The following CGNL1 variants were observed in gnomAD, a reference collection of about 807,000 sequenced individuals.
CGNL1 encodes the protein cingulin-like protein 1.
Under a neutral mutation model 141.2 loss-of-function variants are expected in CGNL1, and 132 were observed. The ratio of observed to expected loss-of-function variants is 0.93; its 90% CI spans 0.81 to 1.08. CGNL1 has a LOEUF of 1.08. Ranked by LOEUF, CGNL1 falls within the 50% of genes least tolerant of loss-of-function variation. CGNL1 has a pLI of 0.00. For missense variants in CGNL1, 1,870 were observed against 1,588.6 expected, an observed-to-expected ratio of 1.18 and a Z score of -3.01; for synonymous variants, 690 against 622.1, an observed-to-expected ratio of 1.11 and a Z score of -1.63.
At chr15:57,503,498 G>A (rs1025322240) in intron 8 of CGNL1, among the ~76,000 whole-genome samples, 1 of 152,172 alleles carries the variant, frequency 6.6e-6, no homozygotes, top group Non-Finnish European at 1.5e-5. Flanking sequence ...ACCAGTTGAG[G>A]ACTGGGCCCC....
At chr15:57,413,221 T>TCCTCTCGTCCTC in intron 1 of CGNL1, among the ~76,000 whole-genome samples, 1 of 137,126 alleles carries the variant, frequency 7.3e-6, no homozygotes, top group South Asian at 2.6e-4. Context: ...CTTCCTCTCT[T>TCCTCTCGTCCTC]CCTCCCTCCC....
intron 13 of CGNL1, among the ~76,000 whole-genome samples, chr15:57,530,390 C>T (rs1048932486): frequency 6.6e-5 from 10 of 152,338 alleles, no homozygotes; most frequent in South Asian, 4.1e-4. Flanking sequence ...CCATGAGATG[C>T]GCTTGAGGGG....
chr15:57,423,691 A>G (rs1272168444), intron 1 of CGNL1, among the ~76,000 whole-genome samples: 1 of 152,052 alleles, frequency 6.6e-6, no homozygotes, highest in African/African-American at 2.4e-5. Context: ...GGCTTCTGGG[A>G]TGCCAGGCTC....
chr15:57,504,060 T>G (rs546172801), intron 8 of CGNL1, among the ~76,000 whole-genome samples: 1 of 152,170 alleles, frequency 6.6e-6, no homozygotes, highest in East Asian at 1.9e-4. Flanking sequence ...CTCTTCCAGT[T>G]TACAGAGCAG....
intron 2 of CGNL1, 27 bp downstream of exon 2, chr15:57,439,628 T>A: frequency 6.3e-7 from 1 of 1,595,380 alleles, no homozygotes; most frequent in Non-Finnish European, 8.6e-7. Context: ...TCCTGTTTGG[T>A]TTTTTTTCTC....
intron 8 of CGNL1, among the ~76,000 whole-genome samples, chr15:57,511,070 T>C (rs1367602407): frequency 2.0e-5 from 3 of 152,208 alleles, no homozygotes; most frequent in Non-Finnish European, 4.4e-5. Context: ...AAAATGTATA[T>C]TTATTTTTAA....
Position 57,442,377 on chromosome 15 carries a change from A to G in CGNL1, c.1702A>G (p.Thr568Ala), listed in dbSNP as rs145255148. The G allele has an allele frequency of 5.3e-4, 856 of 1,605,434 alleles. 2 individuals carry two copies. In the African/African-American group the frequency reaches 7.7e-3, roughly 14 times the overall value. The change falls in exon 4 of 19, where the codon ACT becomes GCT. Residue 568 changes from threonine to alanine, a missense_variant. Transcript: ENST00000281282. Reference protein sequence around the residue: ...ILYNYLKEGSTDNDDATKRKV... With the variant: ...ILYNYLKEGSADNDDATKRKV... ...TCTCTGCTGTCCCTTTTTCAGAAGC[A>G]CTGATAATGACGATGCTACTAAAAG...
chr15:57,525,646 A>G (rs893758487), intron 12 of CGNL1, among the ~76,000 whole-genome samples: 1 of 152,192 alleles, frequency 6.6e-6, no homozygotes. Context: ...GAGCACCAAG[A>G]TTCCACAGGA....
At chr15:57,495,963 G>A (rs2063932296) in intron 8 of CGNL1, among the ~76,000 whole-genome samples, 1 of 152,142 alleles carries the variant, frequency 6.6e-6, no homozygotes, top group African/African-American at 2.4e-5. Flanking sequence ...AGAATGTCTT[G>A]GCAATCCAGA....
intron 8 of CGNL1, among the ~76,000 whole-genome samples, chr15:57,484,053 T>C (rs1348869954): frequency 6.6e-6 from 1 of 152,202 alleles, no homozygotes; most frequent in Non-Finnish European, 1.5e-5. Flanking sequence ...TTATAGTCCT[T>C]TTTTCATGTT....
intron 1 of CGNL1, among the ~76,000 whole-genome samples, chr15:57,435,394 C>T: frequency 7.0e-6 from 1 of 142,150 alleles, no homozygotes; most frequent in Non-Finnish European, 1.5e-5. Flanking sequence ...GAAGAAATAG[C>T]TGAAATTTGC....
At chr15:57,499,022 G>T (rs1398366212) in intron 8 of CGNL1, among the ~76,000 whole-genome samples, 2 of 152,130 alleles carry the variant, frequency 1.3e-5, no homozygotes, top group African/African-American at 4.8e-5. Context: ...AGGGTGACAT[G>T]ATCTGATTTG....
At position 57,544,587 on chromosome 15, in the gene CGNL1, A is replaced by G. The variant is rs1419809271; in HGVS notation, c.3490A>G (p.Ser1164Gly). 3 of 1,582,852 alleles carry G rather than the reference A, an allele frequency of 1.9e-6. No homozygotes were observed. The highest frequency in any genetic ancestry group is 2.3e-5 in the East Asian group (1 of 43,958). Residue 1164 changes from serine to glycine, a missense_variant, in exon 16 of 19, where the codon AGT (serine) becomes GGT (glycine). Coordinates refer to ENST00000281282, the MANE Select transcript of CGNL1 (RefSeq NM_032866.5). ...RIAELEDRLE[S>G]EERDRANLQL... The stretch of plus-strand genomic sequence containing the variant: ...CGCGGAGCTGGAGGACCGCCTGGAG[A>G]GTGAGGAGAGGTGAGCCGGGCCCAC...
intron 8 of CGNL1, among the ~76,000 whole-genome samples, chr15:57,472,881 T>G (rs2063600391): frequency 6.6e-6 from 1 of 152,222 alleles, no homozygotes; most frequent in African/African-American, 2.4e-5. Context: ...AAGGCTTTTA[T>G]AATGGGTCAG....
At chr15:57,409,372 C>G (rs1382356334) in intron 1 of CGNL1, among the ~76,000 whole-genome samples, 1 of 152,006 alleles carries the variant, frequency 6.6e-6, no homozygotes, top group Non-Finnish European at 1.5e-5. Context: ...ATGCTGAAAG[C>G]AAAAGAAGAA....
At chr15:57,546,606 T>G (rs540482956) in intron 18 of CGNL1, among the ~76,000 whole-genome samples, 1 of 152,168 alleles carries the variant, frequency 6.6e-6, no homozygotes, top group South Asian at 2.1e-4. Context: ...AAGGTGAAGT[T>G]CTGGTTTGTA....
At chr15:57,427,057 GTT>G (rs529916648) in intron 1 of CGNL1, among the ~76,000 whole-genome samples, 146 of 152,214 alleles carry the variant, frequency 9.6e-4, no homozygotes, top group Middle Eastern at 3.4e-3. Flanking sequence ...GGCACAGCGT[GTT>G]TGGGGTGACT....
intron 8 of CGNL1, among the ~76,000 whole-genome samples, chr15:57,463,451 A>G (rs76303462): frequency 0.032 from 4,849 of 152,280 alleles, 228 homozygotes; most frequent in African/African-American, 0.11. Flanking sequence ...ATTGACCCAT[A>G]TCAGTCTGTA....
At chr15:57,402,695 T>G (rs2062673686) in intron 1 of CGNL1, 1 of 152,268 alleles carries the variant, frequency 6.6e-6, no homozygotes, top group Non-Finnish European at 1.5e-5. Context: ...GTGCAGTGAC[T>G]TGCATATAGT....
Sources: gnomAD v4.1 joint callset for allele counts (sites outside exome capture counted in the v4.1 genomes callset) on GRCh38, gnomAD v4.1.1 for gene constraint, MANE v1.5 for transcripts, NCBI Gene and HGNC (gene_info 2026-07-23, HGNC 2026-07-21) for gene names.